PPDPF: variants seen among roughly 807,000 people sequenced by gnomAD.
PPDPF encodes exocrine differentiation and proliferation factor.
A neutral mutation model predicts 6.3 loss-of-function variants in PPDPF; 11 were observed. That is an observed-to-expected ratio of 1.76 (90% CI 1.11 to 2.91). PPDPF has a LOEUF of 2.91. Among genes scored for constraint, PPDPF ranks in the 30% most tolerant of loss-of-function variants. PPDPF has a pLI of 0.00. For synonymous variants in PPDPF, 86 were observed against 64.5 expected (o/e 1.33, Z -1.60); for missense variants, 202 against 159.4 (o/e 1.27, Z -1.44).
chr20:63,521,194 A>G (rs1003392517), intron 1 of PPDPF, 90 bp from the exon 2 acceptor site: 2 of 1,249,408 alleles, frequency 1.6e-6, no homozygotes. Flanking sequence ...GCCTCGGTAA[A>G]TAACCCAGCG....
In PPDPF at chr20:63,521,970, C is replaced by A; in HGVS notation, c.*91C>A. The A allele has an allele frequency of 1.0e-6, 1 of 958,928 alleles. No homozygotes were observed. Among genetic ancestry groups the A allele is most frequent in the Non-Finnish European group, 1.5e-6 (1 of 647,896 alleles). The allele number at this position is 958,928 out of a possible 1,614,324, so 59.4% of individuals were successfully genotyped here. A position where few individuals can be genotyped will look rare whatever the true frequency, so the allele number is the denominator to read the frequency against. ...CTCTCCCCACTCCGCATCCCTCGCC[C>A]CCCTCCCCACCTCCCACCCCCCACC... On this transcript the variant is annotated 3_prime_UTR_variant, in exon 4 of 4. Transcript: ENST00000370179.
Position 63,521,973 on chromosome 20 carries a change from C to T in PPDPF, c.*94C>T. 2 of 923,516 alleles carry T rather than the reference C, an allele frequency of 2.2e-6. No homozygotes were observed. Among genetic ancestry groups the T allele is most frequent in the Admixed American group, 2.4e-5 (1 of 40,840 alleles). 57.2% of individuals were successfully genotyped at this position (923,516 alleles called of 1,614,324 possible). ...TCCCCACTCCGCATCCCTCGCCCCC[C>T]TCCCCACCTCCCACCCCCCACCCTG... is the stretch of plus-strand genomic sequence containing the variant. On this transcript the variant is annotated 3_prime_UTR_variant, in exon 4 of 4. Transcript: ENST00000370179.
At position 63,521,925 on chromosome 20, in the gene PPDPF, ACCAGAGCCCCT is replaced by A. The variant is rs1303943216; in HGVS notation, c.*49_*59del. On this transcript the variant is annotated 3_prime_UTR_variant, in exon 4 of 4. Coordinates refer to ENST00000370179, the MANE Select transcript of PPDPF (RefSeq NM_024299.4). Reference sequence around the variant, plus strand: ...CCCAGGCCTGCGGAGGCGCTAGTCCACCAGAGCCCCTCCCCGCCCCTCTCCCCACTCCGCAT... The same window carrying A: ...CCCAGGCCTGCGGAGGCGCTAGTCCACCCCGCCCCTCTCCCCACTCCGCAT... 14 of 1,464,584 alleles carry A rather than the reference ACCAGAGCCCCT, an allele frequency of 9.6e-6. No individual in the cohort carries two copies. In the African/African-American group the frequency reaches 1.9e-4, roughly 20 times the overall value. The allele number at this position is 1,464,584 out of a possible 1,614,324, so 90.7% of individuals were successfully genotyped here.
chr20:63,521,981 C>A lies in PPDPF; in HGVS notation c.*102C>A. 1.2e-6 allele frequency: 1 copy of A among 844,108 alleles called. No homozygotes were observed. Among genetic ancestry groups the A allele is most frequent in the Non-Finnish European group, 1.8e-6 (1 of 543,210 alleles). 52.3% of individuals were successfully genotyped at this position (844,108 alleles called of 1,614,324 possible). On this transcript the variant is annotated 3_prime_UTR_variant, in exon 4 of 4. Transcript: ENST00000370179. ...CCGCATCCCTCGCCCCCCTCCCCAC[C>A]TCCCACCCCCCACCCTGTAAACTAG... is the stretch of plus-strand genomic sequence containing the variant.
rs200982797 is a variant in PPDPF, at chr20:63,521,586, C to T, written c.130C>T (p.Pro44Ser). 4 of 1,611,758 alleles carry T rather than the reference C, an allele frequency of 2.5e-6. No homozygotes were observed. The highest frequency in any genetic ancestry group is 2.2e-5 in the East Asian group (1 of 44,872). The change falls in exon 3 of 4, where the codon CCA becomes TCA. Residue 44 changes from proline to serine, a missense_variant. By Grantham distance (74) the Pro-to-Ser change is moderately conservative. Coordinates refer to ENST00000370179, the MANE Select transcript of PPDPF (RefSeq NM_024299.4). ...CCCCGGGGAAGCCATTCCCCACCCC[C>T]CAGGTGAGTGCAGGATCGCCCCTTT... ...ECPGEAIPHPPGLPKADPGHW... is the reference protein window; with the variant it reads ...ECPGEAIPHPSGLPKADPGHW...
At position 63,521,574 on chromosome 20, in the gene PPDPF, A is replaced by G; in HGVS notation, c.118A>G (p.Ile40Val). 6.2e-7 allele frequency: 1 copy of G among 1,608,438 alleles called. No homozygotes were observed. The highest frequency in any genetic ancestry group is 8.5e-7 in the Non-Finnish European group (1 of 1,177,374). ...CSSTECPGEA[I>V]PHPPGLPKAD... ...CAGTACCGAGTGCCCCGGGGAAGCC[A>G]TTCCCCACCCCCCAGGTGAGTGCAG... Residue 40 changes from isoleucine to valine, a missense_variant, in exon 3 of 4, where the codon ATT becomes GTT. Coordinates refer to ENST00000370179, the MANE Select transcript of PPDPF (RefSeq NM_024299.4).
chr20:63,521,398 TCTG>T, intron 2 of PPDPF, 35 bp downstream of exon 2: 1 of 1,601,098 alleles, frequency 6.2e-7, no homozygotes, highest in Non-Finnish European at 8.5e-7. Flanking sequence ...ACGCGGATGC[TCTG>T]CTGGCGCCAG....
Position 63,521,364 on chromosome 20 carries a change from G to T in PPDPF, c.55+1G>T. On this transcript the variant is annotated splice_donor_variant, in intron 2 of 3. Coordinates refer to ENST00000370179, the MANE Select transcript of PPDPF (RefSeq NM_024299.4). LOFTEE classifies it high-confidence loss of function. ...GTGGCCACCCACGACTACTACCGGC[G>T]TGAGTAGCCCCTGCCCCCCATCCAC... is the stretch of plus-strand genomic sequence containing the variant. 7.5e-6 allele frequency: 12 copies of T among 1,609,190 alleles called. No homozygotes were observed. The highest frequency in any genetic ancestry group is 9.3e-6 in the Non-Finnish European group (11 of 1,178,512).
Position 63,521,852 on chromosome 20 carries a change from C to T in PPDPF, c.318C>T (p.Ser106=). Residue 106 remains serine (S), a synonymous_variant, in exon 4 of 4, where the codon AGC becomes AGT. Coordinates refer to ENST00000370179, the MANE Select transcript of PPDPF (RefSeq NM_024299.4). ...GGAAGCAGCCCGGCGGTCAGTCCAG[C>T]ACAGCCAGCGCTGGGCCCCCGTCCT... is the stretch of plus-strand genomic sequence containing the variant. The part of the protein sequence containing the change: ...APRKQPGGQS[S]TASAGPPS 2 of 1,602,596 alleles carry T rather than the reference C, an allele frequency of 1.2e-6. No individual in the cohort carries two copies. Among genetic ancestry groups the T allele is most frequent in the Non-Finnish European group, 1.7e-6 (2 of 1,175,494 alleles).
Position 63,521,274 on chromosome 20 carries a change from C to T in PPDPF, c.-25-10C>T. 6.3e-7 allele frequency: 1 copy of T among 1,595,348 alleles called. No individual in the cohort carries two copies. The highest frequency in any genetic ancestry group is 8.5e-7 in the Non-Finnish European group (1 of 1,171,762). On this transcript the variant is annotated splice_polypyrimidine_tract_variant and intron_variant, in intron 1 of 3. Coordinates refer to ENST00000370179, the MANE Select transcript of PPDPF (RefSeq NM_024299.4). The stretch of plus-strand genomic sequence containing the variant: ...GCTGACCCGAGGGGCTCCTCCACCC[C>T]CATGCGCAGATCCCACCAGCCAGCA...
At position 63,520,804 on chromosome 20, in the gene PPDPF, G is replaced by C. The variant is rs310625; in HGVS notation, c.-116G>C. ...TCTCTGTCGTGGCGCGGCTTCCCGC[G>C]GTCTTCTCTGCAAATGGGCTCCGTG... On this transcript the variant is annotated 5_prime_UTR_variant, in exon 1 of 4. Coordinates refer to ENST00000370179, the MANE Select transcript of PPDPF (RefSeq NM_024299.4). 3,285 of 984,886 alleles carry C rather than the reference G, an allele frequency of 3.3e-3. 13 individuals carry two copies. The highest frequency in any genetic ancestry group is 0.015 in the South Asian group (313 of 21,286). 61.0% of individuals were successfully genotyped at this position (984,886 alleles called of 1,614,324 possible).
In PPDPF at chr20:63,521,901, C is replaced by G; in HGVS notation, c.*22C>G. 1 of 1,554,226 alleles carries G rather than the reference C, an allele frequency of 6.4e-7. No individual in the cohort carries two copies. The highest frequency in any genetic ancestry group is 8.7e-7 in the Non-Finnish European group (1 of 1,149,306). On this transcript the variant is annotated 3_prime_UTR_variant, in exon 4 of 4. Coordinates refer to ENST00000370179, the MANE Select transcript of PPDPF (RefSeq NM_024299.4). ...CTGACCTGAGCGGTTACCACCAGCCCCAGGCCTGCGGAGGCGCTAGTCCAC... is the reference window on the plus strand; with the variant it reads ...CTGACCTGAGCGGTTACCACCAGCCGCAGGCCTGCGGAGGCGCTAGTCCAC...
chr20:63,520,837 G>A lies in PPDPF; in HGVS notation c.-83G>A. ...CTGCAAATGGGCTCCGTGGCCTAGC[G>A]CCCCCGTCCCCGCCACCCGTGATCG... On this transcript the variant is annotated 5_prime_UTR_variant, in exon 1 of 4. Transcript: ENST00000370179. 1 of 986,786 alleles carries A rather than the reference G, an allele frequency of 1.0e-6. No individual in the cohort carries two copies. Among genetic ancestry groups the A allele is most frequent in the Non-Finnish European group, 1.2e-6 (1 of 831,156 alleles). 61.1% of individuals were successfully genotyped at this position (986,786 alleles called of 1,614,324 possible).
In PPDPF at chr20:63,521,731, C is replaced by T. The variant is rs746864601; in HGVS notation, c.197C>T (p.Pro66Leu). The T allele has an allele frequency of 2.5e-6, 4 of 1,613,374 alleles. No individual in the cohort carries two copies. The highest frequency in any genetic ancestry group is 4.5e-5 in the East Asian group (2 of 44,872). The change falls in exon 4 of 4, where the codon CCG becomes CTG. Residue 66 changes from proline (P) to leucine (L), a missense_variant. Coordinates refer to ENST00000370179, the MANE Select transcript of PPDPF (RefSeq NM_024299.4). ...ASFFFGKSTL[P>L]FMATVLESAE... Reference sequence around the variant, plus strand: ...TTCTTTTTCGGGAAGTCCACCCTCCCGTTCATGGCCACGGTGTTGGAGTCC... The same window carrying T: ...TTCTTTTTCGGGAAGTCCACCCTCCTGTTCATGGCCACGGTGTTGGAGTCC...
chr20:63,520,802 G>C lies in PPDPF; in HGVS notation c.-118G>C, dbSNP rs547337063. ...CCTCTCTGTCGTGGCGCGGCTTCCCGCGGTCTTCTCTGCAAATGGGCTCCG... is the reference window on the plus strand; with the variant it reads ...CCTCTCTGTCGTGGCGCGGCTTCCCCCGGTCTTCTCTGCAAATGGGCTCCG... On this transcript the variant is annotated 5_prime_UTR_variant, in exon 1 of 4. Transcript: ENST00000370179. 9.1e-4 allele frequency: 893 copies of C among 985,040 alleles called. 4 individuals carry two copies. The South Asian group carries it at 0.013, about 15-fold the overall frequency. 61.0% of individuals were successfully genotyped at this position (985,040 alleles called of 1,614,324 possible).
intron 1 of PPDPF, 54 bp downstream of exon 1, chr20:63,520,948 G>A: frequency 9.8e-7 from 1 of 1,018,660 alleles, no homozygotes; most frequent in Non-Finnish European, 1.2e-6. Flanking sequence ...CGGGGGGCGA[G>A]GGGCGGGGCT....
In PPDPF at chr20:63,521,893, C is replaced by T; in HGVS notation, c.*14C>T. On this transcript the variant is annotated 3_prime_UTR_variant, in exon 4 of 4. Coordinates refer to ENST00000370179, the MANE Select transcript of PPDPF (RefSeq NM_024299.4). ...CCCCCGTCCTGACCTGAGCGGTTACCACCAGCCCCAGGCCTGCGGAGGCGC... is the reference window on the plus strand; with the variant it reads ...CCCCCGTCCTGACCTGAGCGGTTACTACCAGCCCCAGGCCTGCGGAGGCGC... 1 of 1,562,824 alleles carries T rather than the reference C, an allele frequency of 6.4e-7. No homozygotes were observed.
Position 63,521,721 on chromosome 20 carries a change from T to G in PPDPF, c.187T>G (p.Ser63Ala). The change falls in exon 4 of 4, where the codon TCC (serine) becomes GCC (alanine). Residue 63 changes from serine to alanine, a missense_variant. Transcript: ENST00000370179. ...GTGGGCCAGCTTCTTTTTCGGGAAG[T>G]CCACCCTCCCGTTCATGGCCACGGT... ...HWWASFFFGK[S>A]TLPFMATVLE... 6.2e-7 allele frequency: 1 copy of G among 1,613,304 alleles called. No individual in the cohort carries two copies. The highest frequency in any genetic ancestry group is 8.5e-7 in the Non-Finnish European group (1 of 1,179,994).
rs1013356789 is a variant in PPDPF at position 63,521,536 on chromosome 20, A to G, written c.80A>G (p.Asn27Ser). The G allele has an allele frequency of 1.3e-6, 2 of 1,588,464 alleles. No individual in the cohort carries two copies. Among genetic ancestry groups the G allele is most frequent in the African/African-American group, 1.3e-5 (1 of 74,280 alleles). ...GGCCGCCTGGGTTCCACTTCCAGCAACAGCTCCTGCAGCAGTACCGAGTGC... is the reference window on the plus strand; with the variant it reads ...GGCCGCCTGGGTTCCACTTCCAGCAGCAGCTCCTGCAGCAGTACCGAGTGC... Reference protein sequence around the residue: ...YRRRLGSTSSNSSCSSTECPG... With the variant: ...YRRRLGSTSSSSSCSSTECPG... The change falls in exon 3 of 4, where the codon AAC becomes AGC. Residue 27 changes from asparagine (N) to serine (S), a missense_variant. Asn to Ser is a conservative substitution (Grantham distance 46). Coordinates refer to ENST00000370179, the MANE Select transcript of PPDPF (RefSeq NM_024299.4).
Sources: gnomAD v4.1 joint callset for allele counts on GRCh38, gnomAD v4.1.1 for gene constraint, MANE v1.5 for transcripts, NCBI Gene and HGNC (gene_info 2026-07-23, HGNC 2026-07-21) for gene names.